PTPRB: variants seen among roughly 807,000 people sequenced by gnomAD.
PTPRB encodes protein tyrosine phosphatase receptor type B, also known as receptor-type tyrosine-protein phosphatase beta.
In PTPRB, 97 loss-of-function variants were observed where a neutral mutation model predicts 238.1. The observed-to-expected ratio is 0.41, with a 90% CI of 0.35 to 0.48. The LOEUF (loss-of-function observed/expected upper bound fraction) is 0.48, where lower values mean the gene tolerates loss of function less well. Among genes scored for constraint, PTPRB ranks in the 20% least tolerant of loss-of-function variants. The pLI, the probability that PTPRB is intolerant of heterozygous loss-of-function variation, is 0.30. For missense variants in PTPRB, 2,292 were observed against 2,681.9 expected (o/e 0.85, Z 3.21); for synonymous variants, 970 against 995.4 (o/e 0.97, Z 0.48).
chr12:70,567,542 T>G (rs755329311), intron 14 of PTPRB, among the ~76,000 whole-genome samples: 6 of 152,252 alleles, frequency 3.9e-5, no homozygotes, highest in Non-Finnish European at 8.8e-5. Context: ...TCCTAAATCT[T>G]CTATCTCTTG....
intron 3 of PTPRB, among the ~76,000 whole-genome samples, chr12:70,622,060 T>G (rs1472737045): frequency 6.6e-6 from 1 of 152,240 alleles, no homozygotes; most frequent in Non-Finnish European, 1.5e-5. Context: ...CAGGGTTGCC[T>G]GCAGGGCACT....
intron 10 of PTPRB, among the ~76,000 whole-genome samples, chr12:70,576,865 G>A (rs1375030488): frequency 6.6e-6 from 1 of 152,042 alleles, no homozygotes; most frequent in African/African-American, 2.4e-5. Context: ...AAATAAAAAT[G>A]TCCGGAGGCC....
At chr12:70,557,850 T>C (rs756738059) in intron 18 of PTPRB, among the ~76,000 whole-genome samples, 2 of 152,224 alleles carry the variant, frequency 1.3e-5, no homozygotes, top group Non-Finnish European at 2.9e-5. Context: ...ACCAATGCTA[T>C]AGTTGTCCTC....
chr12:70,570,575 C>G (rs1365944106), intron 13 of PTPRB, among the ~76,000 whole-genome samples: 1 of 152,108 alleles, frequency 6.6e-6, no homozygotes, highest in Non-Finnish European at 1.5e-5. Context: ...GCTTGAACTC[C>G]TGGGCTCAAG....
intron 17 of PTPRB, 122 bp from the exon 18 acceptor site, chr12:70,559,746 A>G (rs1317902910): frequency 1.3e-5 from 12 of 942,916 alleles, no homozygotes; most frequent in Middle Eastern, 2.4e-4. Flanking sequence ...ATAATATGAT[A>G]ATAATATAGT....
At chr12:70,586,401 G>C (rs1206346517) in intron 9 of PTPRB, among the ~76,000 whole-genome samples, 3 of 152,168 alleles carry the variant, frequency 2.0e-5, no homozygotes, top group Admixed American at 2.0e-4. Context: ...GTGGAACTGT[G>C]AGTCAATTAA....
intron 21 of PTPRB, among the ~76,000 whole-genome samples, chr12:70,548,189 CGT>C (rs1328106262): frequency 6.6e-6 from 1 of 151,996 alleles, no homozygotes; most frequent in Non-Finnish European, 1.5e-5. Flanking sequence ...TAGCCAGGCC[CGT>C]GTGATGCGTG....
intron 4 of PTPRB, among the ~76,000 whole-genome samples, chr12:70,598,634 T>C (rs1452766903): frequency 6.6e-6 from 1 of 152,164 alleles, no homozygotes; most frequent in Admixed American, 6.5e-5. Context: ...TCAAGAACAA[T>C]GCTGTCGTAC....
Position 70,560,635 on chromosome 12 carries a change from C to T in PTPRB, c.4432+36G>A, listed in dbSNP as rs544521913. 40 of 1,606,966 alleles carry T rather than the reference C, an allele frequency of 2.5e-5. No homozygotes were observed. The South Asian group carries it at 3.4e-4, about 14-fold the overall frequency. ...AAATGTGTCTCTGGAAGCTACTTCC[C>T]ACCATCCCTTGGCCATTGGCACCTG... On this transcript the variant is annotated intron_variant, in intron 17 of 33. Coordinates refer to ENST00000334414, the MANE Select transcript of PTPRB (RefSeq NM_001109754.4). The surrounding 1 kb of genome is among the most constrained non-coding windows in gnomAD (Gnocchi z 4.2).
At chr12:70,602,917 A>C (rs1466407023) in intron 4 of PTPRB, among the ~76,000 whole-genome samples, 1 of 152,202 alleles carries the variant, frequency 6.6e-6, no homozygotes, top group African/African-American at 2.4e-5. Context: ...ATACACATTC[A>C]TACATATAGA....
intron 31 of PTPRB, among the ~76,000 whole-genome samples, chr12:70,533,314 C>T (rs979425795): frequency 1.3e-5 from 2 of 152,114 alleles, no homozygotes; most frequent in African/African-American, 4.8e-5. Context: ...GTTCCAAGGA[C>T]ATAGGAAAGC....
rs189000069 is a variant in PTPRB, at chr12:70,595,740, A to G, written c.1258+309T>C. The stretch of plus-strand genomic sequence containing the variant: ...GCACAAACTTAGAAAATGGGGCAGA[A>G]AGTCTTGTTGCTTTGGATTTGAGTT... On this transcript the variant is annotated intron_variant, in intron 5 of 33. Transcript: ENST00000334414. Among the ~76,000 whole-genome samples, 789 of 152,298 alleles carry G rather than the reference A, an allele frequency of 5.2e-3. 10 individuals carry two copies. The highest frequency in any genetic ancestry group is 0.018 in the African/African-American group (750 of 41,562).
At chr12:70,622,692 T>C (rs1884998628) in intron 2 of PTPRB, 46 bp from the exon 3 acceptor site, 1 of 1,494,784 alleles carries the variant, frequency 6.7e-7, no homozygotes, top group Non-Finnish European at 9.0e-7. Context: ...TCATGTTTTA[T>C]GAATTCTTCA....
At chr12:70,588,342 G>C (rs1267085895) in intron 8 of PTPRB, among the ~76,000 whole-genome samples, 2 of 152,014 alleles carry the variant, frequency 1.3e-5, no homozygotes. Flanking sequence ...CACAGTTTAA[G>C]AAAAGTTTGG....
Position 70,570,046 on chromosome 12 carries a change from C to T in PTPRB, c.3371-108G>A. On this transcript the variant is annotated intron_variant, in intron 13 of 33. Coordinates refer to ENST00000334414, the MANE Select transcript of PTPRB (RefSeq NM_001109754.4). The stretch of plus-strand genomic sequence containing the variant: ...TGTTTTGGCACCCACTGAGAGAACT[C>T]ACATGAAAAAGAAAGTAACAATTTG... 4 of 1,041,126 alleles carry T rather than the reference C, an allele frequency of 3.8e-6. No homozygotes were observed. The South Asian group carries it at 4.9e-5, about 13-fold the overall frequency. 64.5% of individuals were successfully genotyped at this position (1,041,126 alleles called of 1,614,324 possible).
chr12:70,553,040 G>A lies in PTPRB; in HGVS notation c.5144-20C>T, dbSNP rs112747044. 618 of 1,604,020 alleles carry A rather than the reference G, an allele frequency of 3.9e-4. No homozygotes were observed. The highest frequency in any genetic ancestry group is 4.8e-4 in the Non-Finnish European group (560 of 1,173,706). ...CACTGCCTGGAGGAGAAAACCCACA[G>A]TTAAGGACTGCCTTTCTTGTGACTT... On this transcript the variant is annotated intron_variant, in intron 20 of 33. Coordinates refer to ENST00000334414, the MANE Select transcript of PTPRB (RefSeq NM_001109754.4).
rs995911408 is a variant in PTPRB at position 70,517,547 on chromosome 12, C to T, written c.*3942G>A. On this transcript the variant is annotated 3_prime_UTR_variant, in exon 34 of 34. Transcript: ENST00000334414. ...TTCAACTCTTCAGGAATGAGGTAGG[C>T]TTGAGGGCTTGCTCACTGCAACTTG... 1 of 152,192 alleles carries T rather than the reference C, an allele frequency of 6.6e-6. No homozygotes were observed. The highest frequency in any genetic ancestry group is 1.5e-5 in the Non-Finnish European group (1 of 68,030). The allele number at this position is 152,192 out of a possible 1,614,324, so 9.4% of individuals were successfully genotyped here. A position where few individuals can be genotyped will look rare whatever the true frequency, so the allele number is the denominator to read the frequency against.
At chr12:70,523,116 C>A (rs899905121) in intron 33 of PTPRB, among the ~76,000 whole-genome samples, 5 of 152,056 alleles carry the variant, frequency 3.3e-5, no homozygotes, top group Admixed American at 6.6e-5. Context: ...CCCACCTTGG[C>A]CTCCCAAAGT....
chr12:70,612,936 C>A (rs1054894231), intron 3 of PTPRB, among the ~76,000 whole-genome samples: 1 of 152,064 alleles, frequency 6.6e-6, no homozygotes, highest in Non-Finnish European at 1.5e-5. Context: ...GCCATAAGCC[C>A]AGATTGTGCC....
Sources: allele counts gnomAD v4.1 joint callset (sites outside exome capture counted in the v4.1 genomes callset), GRCh38; gene constraint gnomAD v4.1.1; non-coding constraint Gnocchi (gnomAD v3.1); transcripts MANE v1.5; gene names NCBI Gene and HGNC (gene_info 2026-07-23, HGNC 2026-07-21).